PLXNA4: variants seen among roughly 807,000 people sequenced by gnomAD.
The protein encoded by PLXNA4 is plexin-A4.
A neutral mutation model predicts 191.8 loss-of-function variants in PLXNA4; 44 were observed. The ratio of observed to expected loss-of-function variants is 0.23; its 90% CI spans 0.18 to 0.29. The LOEUF is 0.29. PLXNA4 is among the 10% of genes least tolerant of loss of function. PLXNA4 has a pLI of 1.00. For missense variants in PLXNA4, 1,800 were observed against 2,488.8 expected (o/e 0.72, Z 5.89); for synonymous variants, 1,082 against 1,009.5 (o/e 1.07, Z -1.36).
intron 3 of PLXNA4, among the ~76,000 whole-genome samples, chr7:132,424,614 A>G (rs1340086071): frequency 2.6e-5 from 4 of 152,018 alleles, no homozygotes; most frequent in African/African-American, 9.7e-5. Flanking sequence ...AGGACACTAT[A>G]CACCCTGGAT....
intron 3 of PLXNA4, among the ~76,000 whole-genome samples, chr7:132,306,323 G>A (rs1317268152): frequency 1.3e-5 from 2 of 152,172 alleles, no homozygotes; most frequent in Admixed American, 1.3e-4. Context: ...AAGTAAGGGG[G>A]CCAGGTTTGG....
intron 29 of PLXNA4, among the ~76,000 whole-genome samples, chr7:132,142,111 CAA>C (rs1795288145): frequency 2.6e-5 from 4 of 152,200 alleles, no homozygotes; most frequent in Admixed American, 2.0e-4. Context: ...TTAACAAAGA[CAA>C]AGAGGGAAAA....
chr7:132,287,994 GGCGTACCACTTTTTACTGGAAA>G (rs1198380256), intron 4 of PLXNA4, among the ~76,000 whole-genome samples: 1 of 152,142 alleles, frequency 6.6e-6, no homozygotes, highest in Admixed American at 6.5e-5. Context: ...CCAAGAGTGG[GGCGTACCACTTTTTACTGGAAA>G]GTCAAGATGA....
At chr7:132,505,482 G>A (rs1456824511) in intron 2 of PLXNA4, among the ~76,000 whole-genome samples, 1 of 152,162 alleles carries the variant, frequency 6.6e-6, no homozygotes, top group Admixed American at 6.5e-5. Flanking sequence ...AGAACTTGTT[G>A]TTGTTTAGTA....
At chr7:132,605,902 G>A (rs768358434) in intron 2 of PLXNA4, among the ~76,000 whole-genome samples, 3 of 152,114 alleles carry the variant, frequency 2.0e-5, no homozygotes, top group African/African-American at 7.2e-5. Flanking sequence ...ACCAAAGGCC[G>A]GCTGTGGTTC....
At chr7:132,448,924 C>G (rs1472204713) in intron 3 of PLXNA4, among the ~76,000 whole-genome samples, 1 of 152,172 alleles carries the variant, frequency 6.6e-6, no homozygotes, top group Non-Finnish European at 1.5e-5. Context: ...AGGGATTGTA[C>G]CTTTCATTTC....
chr7:132,145,131 C>T lies in PLXNA4; in HGVS notation c.5213G>A (p.Trp1738Ter). The T allele has an allele frequency of 6.2e-7, 1 of 1,614,148 alleles. No homozygotes were observed. Among genetic ancestry groups the T allele is most frequent in the Non-Finnish European group, 8.5e-7 (1 of 1,180,016 alleles). ...TCCCTTCACTCACCAATTGCTCTTC[C>T]AGGTATGGCGGACGTGCGGGTCATG... ...GIHDPHVRHTWKSNCLPLRFW... is the reference protein window; with the variant it reads ...GIHDPHVRHT The change falls in exon 29 of 32, where the codon TGG becomes TAG. Residue 1738 changes from tryptophan to a stop codon, truncating the protein, a stop_gained. Coordinates refer to ENST00000321063, the MANE Select transcript of PLXNA4 (RefSeq NM_020911.2). LOFTEE classifies it high-confidence loss of function.
intron 4 of PLXNA4, among the ~76,000 whole-genome samples, chr7:132,269,866 T>C (rs536944532): frequency 8.5e-5 from 13 of 152,144 alleles, no homozygotes; most frequent in African/African-American, 3.1e-4. Flanking sequence ...ATGAGGCAAA[T>C]AGGGAGTCCT....
At position 132,527,146 on chromosome 7, in the gene PLXNA4, C is replaced by T. The variant is rs143802051; in HGVS notation, c.-86-18367G>A. ...TGTAGATTATTGGGAAGATGCATTCCGTTCTCTGGACCCAATGTGGCCAAA... is the reference window on the plus strand; with the variant it reads ...TGTAGATTATTGGGAAGATGCATTCTGTTCTCTGGACCCAATGTGGCCAAA... On this transcript the variant is annotated intron_variant, in intron 1 of 31. Transcript: ENST00000321063. Among the ~76,000 whole-genome samples the T allele has an allele frequency of 5.2e-3, 786 of 152,274 alleles. 3 individuals carry two copies. Among genetic ancestry groups the T allele is most frequent in the Middle Eastern group, 0.044 (13 of 294 alleles).
intron 3 of PLXNA4, among the ~76,000 whole-genome samples, chr7:132,421,949 T>C (rs964193645): frequency 6.6e-6 from 1 of 152,188 alleles, no homozygotes; most frequent in Non-Finnish European, 1.5e-5. Flanking sequence ...TCACCCTCCT[T>C]GGCTGTGAAA....
At chr7:132,526,608 T>A (rs1799411193) in intron 1 of PLXNA4, among the ~76,000 whole-genome samples, 1 of 152,202 alleles carries the variant, frequency 6.6e-6, no homozygotes, top group Non-Finnish European at 1.5e-5. Context: ...CTGTAGTGCA[T>A]GTACTCCTGG....
At chr7:132,556,762 T>A (rs1353932725) in intron 1 of PLXNA4, among the ~76,000 whole-genome samples, 1 of 152,240 alleles carries the variant, frequency 6.6e-6, no homozygotes, top group Non-Finnish European at 1.5e-5. Context: ...TATCCGTAAG[T>A]TGAATGAAGA....
intron 12 of PLXNA4, among the ~76,000 whole-genome samples, chr7:132,200,928 G>A (rs1048230834): frequency 4.6e-5 from 7 of 152,154 alleles, no homozygotes; most frequent in Non-Finnish European, 8.8e-5. Flanking sequence ...CCTGGCCTTG[G>A]GAGACATTAT....
intron 24 of PLXNA4, among the ~76,000 whole-genome samples, chr7:132,161,418 C>T (rs1795945184): frequency 1.3e-5 from 2 of 152,388 alleles, no homozygotes; most frequent in South Asian, 2.1e-4. Context: ...GGTTCCCTTC[C>T]TCCATGCTCC....
chr7:132,132,022 T>G (rs1794943021), intron 31 of PLXNA4, among the ~76,000 whole-genome samples: 2 of 152,240 alleles, frequency 1.3e-5, no homozygotes, highest in Admixed American at 6.5e-5. Context: ...TCAGCTTCTC[T>G]TACTACCGTC....
intron 1 of PLXNA4, among the ~76,000 whole-genome samples, chr7:132,572,111 A>T (rs930161600): frequency 2.0e-5 from 3 of 152,196 alleles, no homozygotes; most frequent in Non-Finnish European, 4.4e-5. Context: ...AGGGGGCAGC[A>T]GTACAGTGAG....
chr7:132,567,323 G>C (rs1585362514), intron 1 of PLXNA4, among the ~76,000 whole-genome samples: 1 of 110,234 alleles, frequency 9.1e-6, no homozygotes, highest in Non-Finnish European at 1.7e-5. Flanking sequence ...ATCTATCAGT[G>C]CCAAAACCCA....
At chr7:132,474,621 T>TAC (rs201235696) in intron 3 of PLXNA4, among the ~76,000 whole-genome samples, 47 of 146,634 alleles carry the variant, frequency 3.2e-4, no homozygotes, top group African/African-American at 7.1e-4. Flanking sequence ...TGAGCACATG[T>TAC]ACACACACAC....
Position 132,202,439 on chromosome 7 carries a change from G to A in PLXNA4, c.2586+207C>T, listed in dbSNP as rs189935133. Among the ~76,000 whole-genome samples the A allele has an allele frequency of 1.2e-4, 18 of 152,232 alleles. No homozygotes were observed. In the East Asian group the frequency reaches 1.4e-3, roughly 11 times the overall value. The stretch of plus-strand genomic sequence containing the variant: ...GTTGGGCCCCTCATTGAGGATAGTC[G>A]AGCCCCAAAAAGAGTCTCTGATCCA... On this transcript the variant is annotated intron_variant, in intron 12 of 31. Coordinates refer to ENST00000321063, the MANE Select transcript of PLXNA4 (RefSeq NM_020911.2).
Sources: gnomAD v4.1 joint callset for allele counts (sites outside exome capture counted in the v4.1 genomes callset) on GRCh38, gnomAD v4.1.1 for gene constraint, MANE v1.5 for transcripts, NCBI Gene and HGNC (gene_info 2026-07-23, HGNC 2026-07-21) for gene names.